SMAD3: variants seen among roughly 807,000 people sequenced by gnomAD.
The protein encoded by SMAD3 is SMAD family member 3.
A neutral mutation model predicts 51.8 loss-of-function variants in SMAD3; 12 were observed. The ratio of observed to expected loss-of-function variants is 0.23; its 90% CI spans 0.15 to 0.38. The LOEUF (loss-of-function observed/expected upper bound fraction) is 0.38. SMAD3 is among the 10% of genes least tolerant of loss of function. The pLI is 1.00. For synonymous variants in SMAD3, 238 were observed against 227.7 expected, an observed-to-expected ratio of 1.05 and a Z score of -0.41; for missense variants, 294 against 565.6, an observed-to-expected ratio of 0.52 and a Z score of 4.87.
In SMAD3 at chr15:67,065,647, C is replaced by T. The variant is rs1429412037; in HGVS notation, c.-508C>T. On this transcript the variant is annotated 5_prime_UTR_variant, in exon 1 of 9. Transcript: ENST00000327367. ...GCGGGAGCGGGAGCGCGGCGCACGC[C>T]CCGGGCCGGCCCAGCCAGCGAGCGA... 1.3e-5 allele frequency among the ~76,000 whole-genome samples: 2 copies of T among 151,166 alleles called. No individual in the cohort carries two copies. Among genetic ancestry groups the T allele is most frequent in the Non-Finnish European group, 3.0e-5 (2 of 67,670 alleles).
chr15:67,138,351 CT>C (rs1961724497), intron 1 of SMAD3: 11 of 471,174 alleles, frequency 2.3e-5, no homozygotes, highest in East Asian at 2.2e-4. Context: ...TGAACCCCCC[CT>C]CCCCCGGCCC....
intron 1 of SMAD3, chr15:67,078,158 G>A (rs78800186): frequency 0.051 from 7,708 of 152,290 alleles, 284 homozygotes; most frequent in East Asian, 0.15. Context: ...CAGCCAGGAG[G>A]GCTCAGGGAC....
At chr15:67,073,533 C>T (rs968731531) in intron 1 of SMAD3, among the ~76,000 whole-genome samples, 13 of 152,164 alleles carry the variant, frequency 8.5e-5, no homozygotes, top group African/African-American at 3.1e-4. Flanking sequence ...CTAGACGTGG[C>T]TCTGTTTCTG....
chr15:67,151,141 G>A (rs535895001), intron 1 of SMAD3, among the ~76,000 whole-genome samples: 2 of 151,898 alleles, frequency 1.3e-5, no homozygotes, highest in East Asian at 1.9e-4. Flanking sequence ...TTACAGACGT[G>A]AGCCACCACG....
chr15:67,168,380 C>T (rs1055119022), intron 4 of SMAD3, among the ~76,000 whole-genome samples: 4 of 152,202 alleles, frequency 2.6e-5, no homozygotes, highest in East Asian at 1.9e-4. Flanking sequence ...TGACTAGTAG[C>T]GCGAACCAGC....
intron 1 of SMAD3, among the ~76,000 whole-genome samples, chr15:67,070,567 G>C (rs1457354085): frequency 2.0e-5 from 3 of 151,798 alleles, no homozygotes; most frequent in Non-Finnish European, 2.9e-5. Context: ...CTCCCAGCCT[G>C]TGAGAAGCTT....
chr15:67,163,696 G>C (rs1206873974), intron 1 of SMAD3, among the ~76,000 whole-genome samples: 1 of 152,118 alleles, frequency 6.6e-6, no homozygotes, highest in African/African-American at 2.4e-5. Context: ...CCACACTTTG[G>C]CCTGGCTTGA....
At position 67,194,090 on chromosome 15, in the gene SMAD3, G is replaced by A. The variant is rs190155838; in HGVS notation, c.*3554G>A. 153 of 233,362 alleles carry A rather than the reference G, an allele frequency of 6.6e-4. No homozygotes were observed. The East Asian group carries it at 7.5e-3, about 11-fold the overall frequency. The allele number at this position is 233,362 out of a possible 1,614,324, so 14.5% of individuals were successfully genotyped here. A position where few individuals can be genotyped will look rare whatever the true frequency, so the allele number is the denominator to read the frequency against. ...ATACCAGCAGCAAGAGAGTGCACCCGTTTAGCCCTGGACCCTGTTTCTTAC... is the reference window on the plus strand; with the variant it reads ...ATACCAGCAGCAAGAGAGTGCACCCATTTAGCCCTGGACCCTGTTTCTTAC... On this transcript the variant is annotated 3_prime_UTR_variant, in exon 9 of 9. Transcript: ENST00000327367.
intron 1 of SMAD3, among the ~76,000 whole-genome samples, chr15:67,108,949 A>G (rs1326046616): frequency 1.3e-5 from 2 of 152,232 alleles, no homozygotes; most frequent in African/African-American, 4.8e-5. Context: ...TGTATTATGA[A>G]TGTTACACAG....
intron 1 of SMAD3, among the ~76,000 whole-genome samples, chr15:67,101,522 C>T (rs1246285719): frequency 1.3e-5 from 2 of 152,076 alleles, no homozygotes; most frequent in Non-Finnish European, 2.9e-5. Flanking sequence ...CTGTCCTGGT[C>T]GGTGCCAGTA....
chr15:67,159,001 T>C (rs905590145), intron 1 of SMAD3, among the ~76,000 whole-genome samples: 1 of 152,130 alleles, frequency 6.6e-6, no homozygotes, highest in Non-Finnish European at 1.5e-5. Context: ...TTTAAAAAAA[T>C]TGGATTGTTA....
intron 1 of SMAD3, among the ~76,000 whole-genome samples, chr15:67,151,235 A>G (rs948983868): frequency 1.3e-5 from 2 of 152,114 alleles, no homozygotes; most frequent in African/African-American, 4.8e-5. Flanking sequence ...TGCCACCTCT[A>G]AGCCTGTTTT....
In SMAD3 at chr15:67,101,723, C is replaced by T. The variant is rs374659291; in HGVS notation, c.206+35363C>T. 1.6e-3 allele frequency among the ~76,000 whole-genome samples: 237 copies of T among 152,312 alleles called. 4 individuals carry two copies. In the South Asian group the frequency reaches 0.046, roughly 29 times the overall value. On this transcript the variant is annotated intron_variant, in intron 1 of 8. Coordinates refer to ENST00000327367, the MANE Select transcript of SMAD3 (RefSeq NM_005902.4). ...AGATCGAGATTGATTAGCTACATGA[C>T]CTTAGGAAAGTGACCTAAAGGTTGT... is the stretch of plus-strand genomic sequence containing the variant.
chr15:67,150,988 T>C (rs1962125463), intron 1 of SMAD3, among the ~76,000 whole-genome samples: 1 of 150,344 alleles, frequency 6.7e-6, no homozygotes, highest in Non-Finnish European at 1.5e-5. Flanking sequence ...CCCCAGTAGC[T>C]GGGATTACAG....
At chr15:67,189,266 G>A (rs953681729) in intron 8 of SMAD3, among the ~76,000 whole-genome samples, 14 of 152,078 alleles carry the variant, frequency 9.2e-5, no homozygotes, top group South Asian at 2.1e-4. Flanking sequence ...ACCCTCGCTC[G>A]TGCAGACACC....
At position 67,066,374 on chromosome 15, in the gene SMAD3, C is replaced by G. The variant is rs766558031; in HGVS notation, c.206+14C>G. 31 of 1,606,664 alleles carry G rather than the reference C, an allele frequency of 1.9e-5. No individual in the cohort carries two copies. In the African/African-American group the frequency reaches 3.3e-4, roughly 17 times the overall value. ...CACCATCCCCAGGTGGGGGCCCGCC[C>G]GGGGGGGACCCGGGGTCACGCCGGC... On this transcript the variant is annotated intron_variant, in intron 1 of 8. Transcript: ENST00000327367.
At chr15:67,184,694 G>A (rs1000537379) in intron 6 of SMAD3, 33 bp from the exon 7 acceptor site, 12 of 1,613,346 alleles carry the variant, frequency 7.4e-6, no homozygotes, top group Non-Finnish European at 1.0e-5. Context: ...GTGAGCAAAG[G>A]CACCCTGTCC....
chr15:67,089,917 C>CT (rs1162507028), intron 1 of SMAD3, among the ~76,000 whole-genome samples: 1 of 152,148 alleles, frequency 6.6e-6, no homozygotes, highest in Admixed American at 6.5e-5. Context: ...GAAGCATGAG[C>CT]TGGATGGAGC....
In SMAD3 at chr15:67,113,118, C is replaced by T. The variant is rs1050887908; in HGVS notation, c.206+46758C>T. On this transcript the variant is annotated intron_variant, in intron 1 of 8. Transcript: ENST00000327367. ...TATTTTTTTGAGACAGAGTCTTGCTCTGTCACCCAGGCTGGAGTGCAGTAG... is the reference window on the plus strand; with the variant it reads ...TATTTTTTTGAGACAGAGTCTTGCTTTGTCACCCAGGCTGGAGTGCAGTAG... Among the ~76,000 whole-genome samples the T allele has an allele frequency of 2.9e-4, 28 of 94,956 alleles. 4 individuals are homozygous for T. Among genetic ancestry groups the T allele is most frequent in the Non-Finnish European group, 2.1e-4 (10 of 46,790 alleles). The allele number at this position is 94,956 out of a possible 152,430, so 62.3% of individuals were successfully genotyped here.
Sources: allele counts gnomAD v4.1 joint callset (sites outside exome capture counted in the v4.1 genomes callset), GRCh38; gene constraint gnomAD v4.1.1; transcripts MANE v1.5; gene names NCBI Gene and HGNC (gene_info 2026-07-23, HGNC 2026-07-21).